MEIOC: variants seen among roughly 807,000 people sequenced by gnomAD.
MEIOC encodes the protein meiosis specific with coiled-coil domain.
Under a neutral mutation model 85.3 loss-of-function variants are expected in MEIOC, and 9 were observed. That is an observed-to-expected ratio of 0.11 (90% CI 0.06 to 0.18). The LOEUF (loss-of-function observed/expected upper bound fraction) is 0.18. MEIOC is among the 10% of genes least tolerant of loss of function. The pLI is 1.00. For synonymous variants in MEIOC, 365 were observed against 393.7 expected (o/e 0.93, Z 0.86); for missense variants, 898 against 1,129.4 (o/e 0.80, Z 2.94).
intron 6 of MEIOC, among the ~76,000 whole-genome samples, chr17:44,671,903 C>T (rs1192181555): frequency 5.6e-5 from 3 of 53,300 alleles, no homozygotes; most frequent in African/African-American, 1.8e-4. Flanking sequence ...AAGACTCCGT[C>T]TCAAAAGAAA....
At position 44,669,367 on chromosome 17, in the gene MEIOC, A is replaced by G. The variant is rs765196162; in HGVS notation, c.2323-16A>G. 6.5e-7 allele frequency: 1 copy of G among 1,545,262 alleles called. No individual in the cohort carries two copies. The highest frequency in any genetic ancestry group is 1.2e-5 in the South Asian group (1 of 82,610). The stretch of plus-strand genomic sequence containing the variant: ...TTAGAAAATTCTACATCTAAAAAGT[A>G]TGTAATTTTTTACAGACTGAATTAG... On this transcript the variant is annotated splice_polypyrimidine_tract_variant and intron_variant, in intron 5 of 7. Coordinates refer to ENST00000409122, the MANE Select transcript of MEIOC (RefSeq NM_001145080.3).
intron 6 of MEIOC, chr17:44,670,538 C>CCTTTTTTTTTTTTTTTTTTTTT (rs1971988943): frequency 1.4e-5 from 1 of 70,002 alleles, no homozygotes; most frequent in African/African-American, 4.3e-5. Context: ...ACTATCTTTC[C>CCTTTTTTTTTTTTTTTTTTTTT]TTTTTTTTTT....
At position 44,675,425 on chromosome 17, in the gene MEIOC, C is replaced by T; in HGVS notation, c.*1229C>T. On this transcript the variant is annotated 3_prime_UTR_variant, in exon 8 of 8. Transcript: ENST00000409122. ...CTAGCATGAGTTAAACTATAATGTA[C>T]TGATGAAATTTAATTGAAATATCCT... 1 of 970,868 alleles carries T rather than the reference C, an allele frequency of 1.0e-6. No individual in the cohort carries two copies. The highest frequency in any genetic ancestry group is 1.2e-6 in the Non-Finnish European group (1 of 817,102). The allele number at this position is 970,868 out of a possible 1,614,324, so 60.1% of individuals were successfully genotyped here. A position where few individuals can be genotyped will look rare whatever the true frequency, so the allele number is the denominator to read the frequency against.
Position 44,667,041 on chromosome 17 carries a change from C to A in MEIOC, c.1130C>A (p.Ala377Glu), listed in dbSNP as rs368090785. The change falls in exon 5 of 8, where the codon GCG becomes GAG. Residue 377 changes from alanine (A) to glutamate (E), a missense_variant. Physicochemically the swap from Ala to Glu is moderately radical, Grantham distance 107. Transcript: ENST00000409122. ...TYTKLFQVKP[A>E]NQKKMEETIP... is the part of the protein sequence containing the mutation. ...ACAAAGTTATTTCAGGTTAAGCCAG[C>A]GAATCAGAAAAAAATGGAGGAGACA... The A allele has an allele frequency of 2.5e-6, 4 of 1,613,208 alleles. No homozygotes were observed. Among genetic ancestry groups the A allele is most frequent in the South Asian group, 1.1e-5 (1 of 91,006 alleles).
At position 44,666,408 on chromosome 17, in the gene MEIOC, C is replaced by T; in HGVS notation, c.497C>T (p.Pro166Leu). Residue 166 changes from proline (P) to leucine (L), a missense_variant, in exon 5 of 8, where the codon CCA becomes CTA. By Grantham distance (98) the Pro-to-Leu change is moderately conservative. Around this residue, in one of 2 missense-constraint regions of MEIOC, gnomAD observed 734 missense variants for 860.1 expected, o/e 0.85. Transcript: ENST00000409122. ...TCSSNLKSVWPMNTSRFADHH... is the reference protein window; with the variant it reads ...TCSSNLKSVWLMNTSRFADHH... ...TCCTCCAATTTAAAGTCAGTTTGGC[C>T]AATGAACACAAGCAGATTTGCAGAT... 18 of 1,551,404 alleles carry T rather than the reference C, an allele frequency of 1.2e-5. No individual in the cohort carries two copies. The highest frequency in any genetic ancestry group is 1.6e-5 in the Non-Finnish European group (18 of 1,146,610).
chr17:44,657,405 A>G (rs1413346948), intron 2 of MEIOC, 144 bp downstream of exon 2: 1 of 700,516 alleles, frequency 1.4e-6, no homozygotes, highest in Non-Finnish European at 2.1e-6. Flanking sequence ...TTTTTTTGAG[A>G]CAGAGTCTTG....
intron 2 of MEIOC, among the ~76,000 whole-genome samples, chr17:44,657,818 G>A (rs1293341261): frequency 1.3e-5 from 2 of 151,660 alleles, no homozygotes; most frequent in African/African-American, 4.8e-5. Context: ...CTCCCAAAGT[G>A]CTGGGATTAC....
At position 44,673,721 on chromosome 17, in the gene MEIOC, T is replaced by G. The variant is rs1030138755; in HGVS notation, c.2638+175T>G. ...AAAAGTATTTCCATTTTATTAATTT[T>G]GTCTGTTATAACTGTTTCAAGACAG... On this transcript the variant is annotated intron_variant, in intron 7 of 7. Coordinates refer to ENST00000409122, the MANE Select transcript of MEIOC (RefSeq NM_001145080.3). 4.5e-5 allele frequency: 33 copies of G among 740,198 alleles called. No homozygotes were observed. In the East Asian group the frequency reaches 9.0e-4, roughly 20 times the overall value. 45.9% of individuals were successfully genotyped at this position (740,198 alleles called of 1,614,324 possible). A position where few individuals can be genotyped will look rare whatever the true frequency, so the allele number is the denominator to read the frequency against.
At chr17:44,664,660 A>T (rs1023676707) in intron 3 of MEIOC, among the ~76,000 whole-genome samples, 1 of 152,186 alleles carries the variant, frequency 6.6e-6, no homozygotes, top group African/African-American at 2.4e-5. Flanking sequence ...GGAATACTCA[A>T]CCTGTATTAC....
chr17:44,665,615 T>C (rs1971893033), intron 4 of MEIOC, 127 bp downstream of exon 4: 1 of 411,920 alleles, frequency 2.4e-6, no homozygotes, highest in Non-Finnish European at 4.2e-6. Flanking sequence ...AATTCAAATA[T>C]TGTTTCAAGG....
At chr17:44,662,005 A>G (rs1398370004) in intron 2 of MEIOC, among the ~76,000 whole-genome samples, 1 of 152,204 alleles carries the variant, frequency 6.6e-6, no homozygotes, top group African/African-American at 2.4e-5. Context: ...TGTTTTGTAA[A>G]TAAAGTTTTA....
chr17:44,674,635 T>G lies in MEIOC; in HGVS notation c.*439T>G. On this transcript the variant is annotated 3_prime_UTR_variant, in exon 8 of 8. Transcript: ENST00000409122. ...CCTAGTAACCAAGACAAGTTTTGAT[T>G]GTGATATCAAAGTGTTTTCCTTACA... The G allele has an allele frequency of 2.0e-6, 2 of 987,690 alleles. No individual in the cohort carries two copies. The highest frequency in any genetic ancestry group is 2.4e-6 in the Non-Finnish European group (2 of 830,810). The allele number at this position is 987,690 out of a possible 1,614,324, so 61.2% of individuals were successfully genotyped here.
intron 4 of MEIOC, among the ~76,000 whole-genome samples, chr17:44,665,863 A>C (rs554021971): frequency 1.3e-5 from 2 of 152,298 alleles, no homozygotes; most frequent in African/African-American, 4.8e-5. Flanking sequence ...TGTGTTAGAA[A>C]ATTTTGTAAT....
intron 2 of MEIOC, among the ~76,000 whole-genome samples, chr17:44,660,893 GA>G (rs1417545246): frequency 6.6e-6 from 1 of 150,822 alleles, no homozygotes; most frequent in East Asian, 1.9e-4. Context: ...AGGAGTTTAA[GA>G]CCAGCCTGGG....
Position 44,667,711 on chromosome 17 carries a change from T to A in MEIOC, c.1800T>A (p.Ile600=). 1 of 1,613,574 alleles carries A rather than the reference T, an allele frequency of 6.2e-7. No individual in the cohort carries two copies. The highest frequency in any genetic ancestry group is 8.5e-7 in the Non-Finnish European group (1 of 1,179,720). Residue 600 remains isoleucine (I), a synonymous_variant, in exon 5 of 8, where the codon ATT becomes ATA. Coordinates refer to ENST00000409122, the MANE Select transcript of MEIOC (RefSeq NM_001145080.3). ...ATTCAGCTCAGAAGTATGGGATAAT[T>A]GAAAATGTAAACAAACATAATTTTC... ...DNYSAQKYGI[I]ENVNKHNFQA... is the part of the protein sequence containing the mutation.
chr17:44,661,459 TATG>T (rs1434864506), intron 2 of MEIOC, among the ~76,000 whole-genome samples: 1 of 152,190 alleles, frequency 6.6e-6, no homozygotes, highest in African/African-American at 2.4e-5. Context: ...GTTTACTGGA[TATG>T]ATAATATATG....
intron 2 of MEIOC, among the ~76,000 whole-genome samples, chr17:44,658,480 A>G (rs933550854): frequency 1.3e-5 from 2 of 151,246 alleles, no homozygotes; most frequent in African/African-American, 4.8e-5. Context: ...CAGTGTTTGC[A>G]GAATACATAC....
Position 44,674,708 on chromosome 17 carries a change from T to C in MEIOC, c.*512T>C, listed in dbSNP as rs887819390. The C allele has an allele frequency of 2.0e-6, 2 of 983,752 alleles. No individual in the cohort carries two copies. The highest frequency in any genetic ancestry group is 2.4e-6 in the Non-Finnish European group (2 of 828,060). The allele number at this position is 983,752 out of a possible 1,614,324, so 60.9% of individuals were successfully genotyped here. On this transcript the variant is annotated 3_prime_UTR_variant, in exon 8 of 8. Coordinates refer to ENST00000409122, the MANE Select transcript of MEIOC (RefSeq NM_001145080.3). ...CAAAGGAAAATACGGATAAACCCAA[T>C]ATTCATGTACAAACTTAATATTTAA... is the stretch of plus-strand genomic sequence containing the variant.
Position 44,675,242 on chromosome 17 carries a change from T to A in MEIOC, c.*1046T>A, listed in dbSNP as rs1002420530. On this transcript the variant is annotated 3_prime_UTR_variant, in exon 8 of 8. Coordinates refer to ENST00000409122, the MANE Select transcript of MEIOC (RefSeq NM_001145080.3). ...GGTTAGCCTATATTTTGCGTAGTTG[T>A]GTTCATTAGTTTGCTTCTGTATTTT... The A allele has an allele frequency of 4.3e-5, 42 of 984,898 alleles. No individual in the cohort carries two copies. The highest frequency in any genetic ancestry group is 5.1e-5 in the Non-Finnish European group (42 of 829,532). 61.0% of individuals were successfully genotyped at this position (984,898 alleles called of 1,614,324 possible).
Sources: allele counts gnomAD v4.1 joint callset (sites outside exome capture counted in the v4.1 genomes callset), GRCh38; gene constraint gnomAD v4.1.1; regional missense constraint gnomAD v4.1.1; transcripts MANE v1.5; gene names NCBI Gene and HGNC (gene_info 2026-07-23, HGNC 2026-07-21).